Variants in MEIS2 observed in about 807,000 individuals in gnomAD.
The protein encoded by MEIS2 is homeobox protein Meis2.
Under a neutral mutation model 58.6 loss-of-function variants are expected in MEIS2, and 9 were observed. That is an observed-to-expected ratio of 0.15 (90% CI 0.09 to 0.27). The LOEUF (loss-of-function observed/expected upper bound fraction) is 0.27, where lower values mean the gene tolerates loss of function less well. Among genes scored for constraint, MEIS2 ranks in the 10% least tolerant of loss-of-function variants. The pLI is 1.00. For synonymous variants in MEIS2, 221 were observed against 228.4 expected, an observed-to-expected ratio of 0.97 and a Z score of 0.29; for missense variants, 427 against 635.0, an observed-to-expected ratio of 0.67 and a Z score of 3.52.
intron 6 of MEIS2, among the ~76,000 whole-genome samples, chr15:37,086,054 C>T (rs1204997969): frequency 1.3e-5 from 2 of 152,174 alleles, no homozygotes; most frequent in African/African-American, 4.8e-5. Flanking sequence ...AACATATTCA[C>T]CTAAGCTAAA....
chr15:37,031,383 TTC>T (rs1278253803), intron 8 of MEIS2, among the ~76,000 whole-genome samples: 3 of 151,398 alleles, frequency 2.0e-5, no homozygotes, highest in Admixed American at 1.3e-4. Flanking sequence ...CTGTTTCTGT[TTC>T]TCTTTCTCCT....
chr15:36,930,101 G>A (rs1373953598), intron 9 of MEIS2, among the ~76,000 whole-genome samples: 4 of 151,444 alleles, frequency 2.6e-5, no homozygotes, highest in Non-Finnish European at 5.9e-5. Flanking sequence ...TACTTGGGAG[G>A]TTGAGGCAGG....
At position 37,023,278 on chromosome 15, in the gene MEIS2, G is replaced by T. The variant is rs994859898; in HGVS notation, c.900+13536C>A. On this transcript the variant is annotated intron_variant, in intron 8 of 11. Coordinates refer to ENST00000561208, the MANE Select transcript of MEIS2 (RefSeq NM_170675.5). Reference sequence around the variant, plus strand: ...TGATGATTTTTTTCTCAACTGACTTGAAGTGATGCCTTTAAAATTAGTAAA... The same window carrying T: ...TGATGATTTTTTTCTCAACTGACTTTAAGTGATGCCTTTAAAATTAGTAAA... 7.9e-5 allele frequency among the ~76,000 whole-genome samples: 12 copies of T among 152,130 alleles called. No homozygotes were observed. In the South Asian group the frequency reaches 2.5e-3, roughly 32 times the overall value.
chr15:37,092,316 T>C (rs911243181), intron 6 of MEIS2, among the ~76,000 whole-genome samples: 1 of 152,150 alleles, frequency 6.6e-6, no homozygotes, highest in Non-Finnish European at 1.5e-5. Flanking sequence ...TTTTCAAAAC[T>C]TTTGTCTGGA....
At chr15:36,894,526 G>C (rs2056065520) in intron 11 of MEIS2, 2 of 450,268 alleles carry the variant, frequency 4.4e-6, no homozygotes, top group Admixed American at 7.2e-5. Flanking sequence ...CTTGTCAGTT[G>C]GCCTTTTCAA....
intron 8 of MEIS2, among the ~76,000 whole-genome samples, chr15:36,955,014 T>C (rs1370651389): frequency 6.6e-6 from 1 of 152,212 alleles, no homozygotes; most frequent in East Asian, 1.9e-4. Context: ...TTTATTGATC[T>C]AGGACTATGC....
At chr15:36,983,891 A>T (rs67696309) in intron 8 of MEIS2, among the ~76,000 whole-genome samples, 54,855 of 151,754 alleles carry the variant, frequency 0.36, 10,733 homozygotes, top group Middle Eastern at 0.56. Context: ...CTAAGTATTT[A>T]ATTGTTTTAG....
intron 6 of MEIS2, among the ~76,000 whole-genome samples, chr15:37,084,607 A>T (rs1233301062): frequency 6.6e-6 from 1 of 152,198 alleles, no homozygotes. Context: ...AGCTTCATGG[A>T]AGCTTGAAAT....
intron 7 of MEIS2, among the ~76,000 whole-genome samples, chr15:37,041,355 G>T (rs2141757433): frequency 6.6e-6 from 1 of 152,300 alleles, no homozygotes; most frequent in East Asian, 1.9e-4. Flanking sequence ...CCCTTGGTTT[G>T]CTGTCCTCCT....
intron 9 of MEIS2, among the ~76,000 whole-genome samples, chr15:36,908,887 CG>C (rs369948268): frequency 6.6e-6 from 1 of 151,816 alleles, no homozygotes; most frequent in African/African-American, 2.4e-5. Flanking sequence ...TGTGGTGAGC[CG>C]AGATGGCGCC....
At chr15:37,046,836 A>AAT (rs3047040) in intron 7 of MEIS2, among the ~76,000 whole-genome samples, 26 of 148,776 alleles carry the variant, frequency 1.7e-4, no homozygotes, top group African/African-American at 5.4e-4. Context: ...TCGTTTAAAA[A>AAT]ATATATATAT....
chr15:36,995,129 GC>G (rs775977738), intron 8 of MEIS2, among the ~76,000 whole-genome samples: 1 of 152,172 alleles, frequency 6.6e-6, no homozygotes, highest in Non-Finnish European at 1.5e-5. Context: ...AAATTTCATT[GC>G]TTCCCAACGA....
chr15:37,061,232 G>T (rs752731801), intron 7 of MEIS2, among the ~76,000 whole-genome samples: 32 of 152,150 alleles, frequency 2.1e-4, no homozygotes, highest in Non-Finnish European at 3.7e-4. Flanking sequence ...TAGCAATGAA[G>T]AAGGGGTCAA....
At chr15:36,937,041 T>C (rs771348298) in intron 9 of MEIS2, among the ~76,000 whole-genome samples, 15 of 152,170 alleles carry the variant, frequency 9.9e-5, no homozygotes, top group Non-Finnish European at 1.9e-4. Context: ...AAGCAACCCA[T>C]GAAAGAGGCC....
intron 7 of MEIS2, among the ~76,000 whole-genome samples, chr15:37,064,565 C>T (rs1438156587): frequency 6.6e-6 from 1 of 152,122 alleles, no homozygotes; most frequent in Non-Finnish European, 1.5e-5. Context: ...TACTGCTATG[C>T]AAAATGGAAT....
intron 9 of MEIS2, among the ~76,000 whole-genome samples, chr15:36,917,822 T>C (rs1331667836): frequency 6.6e-6 from 1 of 152,196 alleles, no homozygotes; most frequent in Non-Finnish European, 1.5e-5. Context: ...ACCAGAGACA[T>C]GAGTAGGAAT....
chr15:37,089,927 C>G (rs528154298), intron 6 of MEIS2, among the ~76,000 whole-genome samples: 1 of 152,120 alleles, frequency 6.6e-6, no homozygotes, highest in African/African-American at 2.4e-5. Context: ...TGAGTATCAC[C>G]TGTTATTCAG....
intron 9 of MEIS2, among the ~76,000 whole-genome samples, chr15:36,918,009 A>G (rs2057351227): frequency 6.6e-6 from 1 of 152,208 alleles, no homozygotes; most frequent in African/African-American, 2.4e-5. Flanking sequence ...AGAAGTCACA[A>G]TTCTTGATCC....
At position 37,092,818 on chromosome 15, in the gene MEIS2, C is replaced by G. The variant is rs534220585; in HGVS notation, c.639+763G>C. On this transcript the variant is annotated intron_variant, in intron 6 of 11. Transcript: ENST00000561208. ...AGAGAATAGAAAGAAATCTCCTTTC[C>G]TGGCCTGACATACACAGTCATTTCT... is the stretch of plus-strand genomic sequence containing the variant. Among the ~76,000 whole-genome samples, 5 of 139,296 alleles carry G rather than the reference C, an allele frequency of 3.6e-5. No individual in the cohort carries two copies. The East Asian group carries it at 1.1e-3, about 30-fold the overall frequency. 91.4% of individuals were successfully genotyped at this position (139,296 alleles called of 152,430 possible).
Sources: allele counts gnomAD v4.1 joint callset (sites outside exome capture counted in the v4.1 genomes callset), GRCh38; gene constraint gnomAD v4.1.1; transcripts MANE v1.5; gene names NCBI Gene and HGNC (gene_info 2026-07-23, HGNC 2026-07-21).